Variants in EPHB1 observed in about 807,000 individuals in gnomAD.
EPHB1 encodes the protein ephrin type-B receptor 1.
EPHB1 carries 30 observed loss-of-function variants against 94.4 expected under a neutral mutation model. The ratio of observed to expected loss-of-function variants is 0.32; its 90% CI spans 0.24 to 0.43. EPHB1 has a LOEUF of 0.43. EPHB1 is among the 20% of genes least tolerant of loss of function. The pLI is 1.00. For synonymous variants in EPHB1, 522 were observed against 489.1 expected, an observed-to-expected ratio of 1.07 and a Z score of -0.89; for missense variants, 1,055 against 1,308.3, an observed-to-expected ratio of 0.81 and a Z score of 2.99.
At chr3:135,100,256 A>G (rs1176144785) in intron 3 of EPHB1, among the ~76,000 whole-genome samples, 2 of 152,120 alleles carry the variant, frequency 1.3e-5, no homozygotes, top group East Asian at 3.8e-4. Flanking sequence ...CTGCATAAAA[A>G]TGTTGTTTTT....
chr3:134,907,006 G>A (rs549779543), intron 1 of EPHB1, among the ~76,000 whole-genome samples: 1 of 152,150 alleles, frequency 6.6e-6, no homozygotes, highest in East Asian at 1.9e-4. Flanking sequence ...CTAGACAAGT[G>A]CTATTTATAA....
intron 12 of EPHB1, among the ~76,000 whole-genome samples, chr3:135,235,222 C>T (rs1943622799): frequency 6.6e-6 from 1 of 152,194 alleles, no homozygotes; most frequent in Non-Finnish European, 1.5e-5. Flanking sequence ...GTCATGAAGC[C>T]TCAGAATCCT....
In EPHB1 at chr3:135,237,963, TCCCTCCACAGGGCTGGTCA is replaced by T. The variant is rs1033804640; in HGVS notation, c.2347-3182_2347-3164del. The stretch of plus-strand genomic sequence containing the variant: ...GGGTTCCACTTCCTTTTCTTCTGCT[TCCCTCCACAGGGCTGGTCA>T]CCATCCTCTAAATTAATAGATTTCC... On this transcript the variant is annotated intron_variant, in intron 12 of 15. Transcript: ENST00000398015. 6.6e-5 allele frequency among the ~76,000 whole-genome samples: 10 copies of T among 152,234 alleles called. No homozygotes were observed. The South Asian group carries it at 2.1e-3, about 32-fold the overall frequency.
At chr3:135,011,084 T>C (rs1935603756) in intron 3 of EPHB1, among the ~76,000 whole-genome samples, 1 of 152,248 alleles carries the variant, frequency 6.6e-6, no homozygotes, top group Non-Finnish European at 1.5e-5. Flanking sequence ...TTGAATCTTC[T>C]TGCCTATTTG....
chr3:135,118,799 A>G (rs1390941350), intron 4 of EPHB1, among the ~76,000 whole-genome samples: 1 of 152,218 alleles, frequency 6.6e-6, no homozygotes, highest in Non-Finnish European at 1.5e-5. Flanking sequence ...CCTACCGAGT[A>G]TACAGTTCCC....
intron 3 of EPHB1, among the ~76,000 whole-genome samples, chr3:135,037,302 G>A (rs573827076): frequency 6.6e-6 from 1 of 152,354 alleles, no homozygotes; most frequent in South Asian, 2.1e-4. Context: ...GGCCTCTGGG[G>A]AGGATTTGAT....
chr3:134,901,762 G>T (rs1023737030), intron 1 of EPHB1, among the ~76,000 whole-genome samples: 2 of 152,260 alleles, frequency 1.3e-5, no homozygotes, highest in African/African-American at 2.4e-5. Flanking sequence ...AGCTGTGTGG[G>T]TGGCCAGGGA....
At chr3:135,004,512 C>A (rs953281899) in intron 3 of EPHB1, among the ~76,000 whole-genome samples, 1 of 152,136 alleles carries the variant, frequency 6.6e-6, no homozygotes, top group African/African-American at 2.4e-5. Flanking sequence ...GCCTGCCTTG[C>A]TAGATTTGGG....
At chr3:134,824,125 CTTTTTTTTT>C (rs373504139) in intron 1 of EPHB1, among the ~76,000 whole-genome samples, 20,872 of 101,938 alleles carry the variant, frequency 0.2, 2,131 homozygotes, top group African/African-American at 0.35. Flanking sequence ...GGATAATGCC[CTTTTTTTTT>C]TTTTTTTTTT....
At chr3:135,111,673 T>G (rs1939449245) in intron 4 of EPHB1, among the ~76,000 whole-genome samples, 1 of 152,156 alleles carries the variant, frequency 6.6e-6, no homozygotes, top group South Asian at 2.1e-4. Context: ...GCTCAATTTC[T>G]ATTTCATTTT....
chr3:135,179,730 G>C, intron 9 of EPHB1, 130 bp from the exon 10 acceptor site: 1 of 1,063,040 alleles, frequency 9.4e-7, no homozygotes, highest in South Asian at 1.6e-5. Context: ...AGGAGAGGCA[G>C]AGAAAAGTTG....
intron 4 of EPHB1, among the ~76,000 whole-genome samples, chr3:135,125,006 A>G (rs1940140850): frequency 6.6e-6 from 1 of 151,568 alleles, no homozygotes; most frequent in Admixed American, 6.6e-5. Flanking sequence ...CTTATTCCAT[A>G]TTGAGCAAAA....
Position 135,259,221 on chromosome 3 carries a change from A to G in EPHB1, c.*101A>G. On this transcript the variant is annotated 3_prime_UTR_variant, in exon 16 of 16. Coordinates refer to ENST00000398015, the MANE Select transcript of EPHB1 (RefSeq NM_004441.5). ...AATGTACTGGAGAGACTGGCTTCTC[A>G]GCTGAGGAATGCATTTCCATCAGTG... The G allele has an allele frequency of 1.1e-6, 1 of 884,612 alleles. No homozygotes were observed. The highest frequency in any genetic ancestry group is 1.7e-6 in the Non-Finnish European group (1 of 571,974). The allele number at this position is 884,612 out of a possible 1,614,324, so 54.8% of individuals were successfully genotyped here. A position where few individuals can be genotyped will look rare whatever the true frequency, so the allele number is the denominator to read the frequency against.
intron 3 of EPHB1, among the ~76,000 whole-genome samples, chr3:135,072,747 C>T (rs1483847549): frequency 6.6e-6 from 1 of 152,210 alleles, no homozygotes; most frequent in Non-Finnish European, 1.5e-5. Context: ...CACATTTTAT[C>T]CTGTTTTACT....
rs535916571 is a variant in EPHB1, at chr3:135,039,510, C to G, written c.806-66938C>G. ...TCCCGTCGGGGAGGCTCGGGCTGCA[C>G]AGGAGCCCACGGAGTGGGTGGGAGG... On this transcript the variant is annotated intron_variant, in intron 3 of 15. Transcript: ENST00000398015. 2.4e-3 allele frequency among the ~76,000 whole-genome samples: 360 copies of G among 152,340 alleles called. 1 individual carries two copies. The highest frequency in any genetic ancestry group is 3.7e-3 in the Non-Finnish European group (253 of 68,022).
At chr3:135,228,314 T>A (rs1241648541) in intron 12 of EPHB1, among the ~76,000 whole-genome samples, 2 of 152,230 alleles carry the variant, frequency 1.3e-5, no homozygotes, top group African/African-American at 4.8e-5. Flanking sequence ...CATGCTTAGA[T>A]TCGGGTTATT....
intron 3 of EPHB1, among the ~76,000 whole-genome samples, chr3:134,976,188 C>T (rs1934186921): frequency 6.6e-6 from 1 of 152,216 alleles, no homozygotes; most frequent in South Asian, 2.1e-4. Flanking sequence ...CGTTCCCCTA[C>T]ATGAATTCAG....
At position 135,248,425 on chromosome 3, in the gene EPHB1, C is replaced by T. The variant is rs1340747830; in HGVS notation, c.2606C>T (p.Pro869Leu). The change falls in exon 14 of 16, where the codon CCC (proline) becomes CTC (leucine). Residue 869 changes from proline to leucine, a missense_variant. Physicochemically the swap from Pro to Leu is moderately conservative, Grantham distance 98 (BLOSUM62 -3). Coordinates refer to ENST00000398015, the MANE Select transcript of EPHB1 (RefSeq NM_004441.5). ...DCWQKDRNSR[P>L]RFAEIVNTLD... ...TGGCAGAAGGACCGGAACAGCCGGC[C>T]CCGGTTTGCGGAGATTGTCAACACC... The T allele has an allele frequency of 6.2e-7, 1 of 1,613,926 alleles. No homozygotes were observed.
Position 135,130,316 on chromosome 3 carries a change from T to C in EPHB1, c.962-2398T>C, listed in dbSNP as rs377254264. 1.6e-4 allele frequency among the ~76,000 whole-genome samples: 25 copies of C among 152,308 alleles called. No individual in the cohort carries two copies. In the East Asian group the frequency reaches 4.6e-3, roughly 28 times the overall value. Reference sequence around the variant, plus strand: ...TGGCTCCCAGGGCCTGACTGGTGACTACACAGGTATCAAAGAAGGTAAGGA... The same window carrying C: ...TGGCTCCCAGGGCCTGACTGGTGACCACACAGGTATCAAAGAAGGTAAGGA... On this transcript the variant is annotated intron_variant, in intron 4 of 15. Transcript: ENST00000398015.
Sources: gnomAD v4.1 joint callset for allele counts (sites outside exome capture counted in the v4.1 genomes callset) on GRCh38, gnomAD v4.1.1 for gene constraint, MANE v1.5 for transcripts, NCBI Gene and HGNC (gene_info 2026-07-23, HGNC 2026-07-21) for gene names.